EDRF1: variants seen among roughly 807,000 people sequenced by gnomAD.
EDRF1 encodes the protein erythroid differentiation-related factor 1.
In EDRF1, 69 loss-of-function variants were observed where a neutral mutation model predicts 148.7. That is an observed-to-expected ratio of 0.46 (90% CI 0.38 to 0.57). EDRF1 has a LOEUF of 0.57. EDRF1 is among the 20% of genes least tolerant of loss of function. The pLI, the probability that EDRF1 is intolerant of heterozygous loss-of-function variation, is 0.00. For synonymous variants in EDRF1, 515 were observed against 532.8 expected, an observed-to-expected ratio of 0.97 and a Z score of 0.46; for missense variants, 1,118 against 1,478.7, an observed-to-expected ratio of 0.76 and a Z score of 4.00.
intron 9 of EDRF1, among the ~76,000 whole-genome samples, chr10:125,731,118 G>T (rs1223654173): frequency 6.6e-6 from 1 of 152,138 alleles, no homozygotes; most frequent in Non-Finnish European, 1.5e-5. Context: ...CTGCACTCCA[G>T]TATGAGTGAC....
chr10:125,738,318 C>T lies in EDRF1; in HGVS notation c.1854C>T (p.Ser618=), dbSNP rs1183593270. 1.2e-6 allele frequency: 2 copies of T among 1,613,896 alleles called. No homozygotes were observed. The highest frequency in any genetic ancestry group is 1.3e-5 in the African/African-American group (1 of 74,856). Residue 618 remains serine, a synonymous_variant, in exon 15 of 25, where the codon AGC becomes AGT. Coordinates refer to ENST00000356792, the MANE Select transcript of EDRF1 (RefSeq NM_001202438.2). ...VLEGLKSVDS[S]IKKESDLPAA... is the part of the protein sequence containing the mutation. ...AGGGTTTAAAATCTGTCGATAGCAG[C>T]ATCAAAAAAGAAAGCGACCTTCCAG...
At position 125,725,402 on chromosome 10, in the gene EDRF1, T is replaced by C; in HGVS notation, c.595T>C (p.Trp199Arg). The change falls in exon 5 of 25, where the codon TGG (tryptophan) becomes CGG (arginine). Residue 199 changes from tryptophan to arginine, a missense_variant. By Grantham distance (101) the Trp-to-Arg change is moderately radical. Transcript: ENST00000356792. ...WQRKKKSKEHWYQKAILSKFL... is the reference protein window; with the variant it reads ...WQRKKKSKEHRYQKAILSKFL... ...GAGGAAGAAAAAGAGCAAAGAGCAC[T>C]GGTATCAAAAGGCAATTCTTTCCAA... The C allele has an allele frequency of 5.6e-6, 9 of 1,614,084 alleles. No homozygotes were observed. Among genetic ancestry groups the C allele is most frequent in the Non-Finnish European group, 7.6e-6 (9 of 1,179,972 alleles).
At chr10:125,730,721 T>C (rs2133688635) in intron 9 of EDRF1, among the ~76,000 whole-genome samples, 1 of 152,366 alleles carries the variant, frequency 6.6e-6, no homozygotes, top group Non-Finnish European at 1.5e-5. Context: ...TTCTTCGTTA[T>C]GCAAATATCT....
rs578134716 is a variant in EDRF1, at chr10:125,742,464, G to A, written c.2372-594G>A. ...ATTCATAGCTAGAGGAGTATACTGG[G>A]GGAGAGGGAAAAATGTGTTATTTTG... On this transcript the variant is annotated intron_variant, in intron 17 of 24. Transcript: ENST00000356792. 4.1e-5 allele frequency: 42 copies of A among 1,033,380 alleles called. No individual in the cohort carries two copies. In the African/African-American group the frequency reaches 6.7e-4, roughly 17 times the overall value. The allele number at this position is 1,033,380 out of a possible 1,614,324, so 64.0% of individuals were successfully genotyped here.
At chr10:125,731,571 G>A (rs150132543) in intron 9 of EDRF1, among the ~76,000 whole-genome samples, 1 of 152,212 alleles carries the variant, frequency 6.6e-6, no homozygotes, top group Non-Finnish European at 1.5e-5. Context: ...GAGCTAAGGA[G>A]TATGGACTTG....
At chr10:125,750,719 T>G (rs1849593158) in intron 22 of EDRF1, among the ~76,000 whole-genome samples, 1 of 152,228 alleles carries the variant, frequency 6.6e-6, no homozygotes, top group Admixed American at 6.5e-5. Flanking sequence ...TTTGGGAATG[T>G]ATTACCTATC....
chr10:125,735,541 C>T, intron 12 of EDRF1, 103 bp from the exon 13 acceptor site: 3 of 1,108,086 alleles, frequency 2.7e-6, no homozygotes, highest in Non-Finnish European at 4.0e-6. Context: ...ATGGTGGAAA[C>T]AGCCTGTGTG....
At chr10:125,762,133 A>G (rs1018144601) in intron 24 of EDRF1, among the ~76,000 whole-genome samples, 13 of 152,128 alleles carry the variant, frequency 8.5e-5, no homozygotes, top group Admixed American at 8.5e-4. Context: ...TGGAGGAGGA[A>G]TGGAGCCAGG....
rs1850285586 is a variant in EDRF1 at position 125,763,654 on chromosome 10, T to C, written c.*182T>C. 2 of 693,736 alleles carry C rather than the reference T, an allele frequency of 2.9e-6. No homozygotes were observed. The highest frequency in any genetic ancestry group is 1.9e-5 in the South Asian group (1 of 53,696). 43.0% of individuals were successfully genotyped at this position (693,736 alleles called of 1,614,324 possible). On this transcript the variant is annotated 3_prime_UTR_variant, in exon 25 of 25. Coordinates refer to ENST00000356792, the MANE Select transcript of EDRF1 (RefSeq NM_001202438.2). This position sits in a 1 kb window ranked among gnomAD's most constrained non-coding sequence, Gnocchi z 4.3. ...CGGTTGAGTTCTGTGGCTTCTTCAC[T>C]TGAAGTGCTAACATCAGAATCAAAC...
rs759258831 is a variant in EDRF1, at chr10:125,747,652, A to G, written c.2931A>G (p.Leu977=). Residue 977 remains leucine, a synonymous_variant, in exon 20 of 25, where the codon CTA becomes CTG. Transcript: ENST00000356792. ...CTACTTACTTTACTATGGCAACTCTACAGCAAGATTATGCTCCGTTATCTA... is the reference window on the plus strand; with the variant it reads ...CTACTTACTTTACTATGGCAACTCTGCAGCAAGATTATGCTCCGTTATCTA... ...LSTTYFTMAT[L]QQDYAPLSRK... 1 of 1,614,222 alleles carries G rather than the reference A, an allele frequency of 6.2e-7. No individual in the cohort carries two copies. Among genetic ancestry groups the G allele is most frequent in the South Asian group, 1.1e-5 (1 of 91,088 alleles).
Position 125,730,419 on chromosome 10 carries a change from T to G in EDRF1, c.1128+20T>G. 1 of 1,586,796 alleles carries G rather than the reference T, an allele frequency of 6.3e-7. No individual in the cohort carries two copies. ...GTACAGGTAAGATACAGTGTGATTT[T>G]TCTGATCTCTCAAATGCAAATTGGT... On this transcript the variant is annotated intron_variant, in intron 9 of 24. Transcript: ENST00000356792.
chr10:125,751,073 C>T lies in EDRF1; in HGVS notation c.3277+1508C>T, dbSNP rs183477897. Among the ~76,000 whole-genome samples the T allele has an allele frequency of 1.9e-4, 29 of 152,122 alleles. No individual in the cohort carries two copies. The East Asian group carries it at 2.1e-3, about 11-fold the overall frequency. ...GGGCTCTAGTGATCCTCAGCCTCCC[C>T]GAGTAGCTGAGATCACAAGTGCTAA... On this transcript the variant is annotated intron_variant, in intron 22 of 24. Transcript: ENST00000356792.
rs1476499970 is a variant in EDRF1, at chr10:125,735,692, G to A, written c.1546G>A (p.Glu516Lys). 2.7e-5 allele frequency: 43 copies of A among 1,613,182 alleles called. No individual in the cohort carries two copies. The highest frequency in any genetic ancestry group is 3.5e-5 in the Non-Finnish European group (41 of 1,179,470). ...GCTTTCAGAACTTTTTCAATTGGAT[G>A]AACCTAAAAAGGAAGAAAATTCAGA... ...YMLSELFQLDEPKKEENSESP... is the reference protein window; with the variant it reads ...YMLSELFQLDKPKKEENSESP... The change falls in exon 13 of 25, where the codon GAA becomes AAA. Residue 516 changes from glutamate (E) to lysine (K), a missense_variant. This residue lies in a region of EDRF1 where 954 missense variants were observed against 1,241.4 expected (regional missense o/e 0.77). Coordinates refer to ENST00000356792, the MANE Select transcript of EDRF1 (RefSeq NM_001202438.2).
At chr10:125,725,217 C>G (rs1848198866) in intron 4 of EDRF1, 101 bp from the exon 5 acceptor site, 4 of 1,366,374 alleles carry the variant, frequency 2.9e-6, no homozygotes, top group Non-Finnish European at 4.1e-6. Flanking sequence ...GTTTATGAAA[C>G]TATTCAAAAA....
chr10:125,740,765 A>C, intron 16 of EDRF1, 114 bp downstream of exon 16: 1 of 1,263,896 alleles, frequency 7.9e-7, no homozygotes, highest in Non-Finnish European at 1.1e-6. Context: ...TTATTTTAAA[A>C]TGACTGTTTC....
chr10:125,730,397 C>T lies in EDRF1; in HGVS notation c.1126C>T (p.Gln376Ter). ...VMCFHVNGIVQKYEMIKTEEI... is the reference protein window; with the variant it reads ...VMCFHVNGIV ...GTGTTTTCATGTAAATGGAATTGTACAGGTAAGATACAGTGTGATTTTTCT... is the reference window on the plus strand; with the variant it reads ...GTGTTTTCATGTAAATGGAATTGTATAGGTAAGATACAGTGTGATTTTTCT... The change falls in exon 9 of 25, where the codon CAG (glutamine) becomes TAG (stop). Residue 376 changes from glutamine to a stop codon, truncating the protein, a stop_gained and splice_region_variant. Coordinates refer to ENST00000356792, the MANE Select transcript of EDRF1 (RefSeq NM_001202438.2). LOFTEE classifies it high-confidence loss of function. 1.2e-6 allele frequency: 2 copies of T among 1,610,204 alleles called. No homozygotes were observed. The highest frequency in any genetic ancestry group is 1.7e-6 in the Non-Finnish European group (2 of 1,176,534).
At position 125,721,369 on chromosome 10, in the gene EDRF1, A is replaced by T. The variant is rs1400026495; in HGVS notation, c.274A>T (p.Thr92Ser). ...RESAKLGPAG[T>S]TILGNSKKSK... ...GAGTGCCAAACTAGGGCCAGCAGGA[A>T]CTACCATTCTTGGCAACAGCAAGAA... The change falls in exon 2 of 25, where the codon ACT (threonine) becomes TCT (serine). Residue 92 changes from threonine to serine, a missense_variant. Coordinates refer to ENST00000356792, the MANE Select transcript of EDRF1 (RefSeq NM_001202438.2). 2 of 1,614,216 alleles carry T rather than the reference A, an allele frequency of 1.2e-6. No individual in the cohort carries two copies. Among genetic ancestry groups the T allele is most frequent in the African/African-American group, 1.3e-5 (1 of 75,074 alleles).
In EDRF1 at chr10:125,741,214, C is replaced by T. The variant is rs757790633; in HGVS notation, c.2371+13C>T. The T allele has an allele frequency of 3.1e-6, 5 of 1,613,220 alleles. No individual in the cohort carries two copies. The African/African-American group carries it at 5.3e-5, about 17-fold the overall frequency. On this transcript the variant is annotated intron_variant, in intron 17 of 24. Transcript: ENST00000356792. ...TCCAGTTGCCAAGGTGTGCCACAGG[C>T]TTGGACCACGTGGTTCACAGTGGGA... is the stretch of plus-strand genomic sequence containing the variant.
chr10:125,744,173 G>A (rs1481721330), intron 18 of EDRF1, among the ~76,000 whole-genome samples: 1 of 151,848 alleles, frequency 6.6e-6, no homozygotes, highest in Admixed American at 6.6e-5. Context: ...GAGGTGAGCA[G>A]GTAAGCTGAA....
Sources: allele counts gnomAD v4.1 joint callset (sites outside exome capture counted in the v4.1 genomes callset), GRCh38; gene constraint gnomAD v4.1.1; regional missense constraint gnomAD v4.1.1; non-coding constraint Gnocchi (gnomAD v3.1); transcripts MANE v1.5; gene names NCBI Gene and HGNC (gene_info 2026-07-23, HGNC 2026-07-21).